Variants in KCNMA1 observed in about 807,000 individuals in gnomAD.
The protein encoded by KCNMA1 is potassium calcium-activated channel subfamily M alpha 1.
A neutral mutation model predicts 140.0 loss-of-function variants in KCNMA1; 29 were observed. That is an observed-to-expected ratio of 0.21 (90% confidence interval 0.15 to 0.28). The LOEUF (loss-of-function observed/expected upper bound fraction) is 0.28. Ranked by LOEUF, KCNMA1 falls within the 10% of genes least tolerant of loss-of-function variation. The probability of loss-of-function intolerance (pLI) is 1.00; values close to 1 mark genes in which losing one functional copy is unlikely to be tolerated. For missense variants in KCNMA1, 880 were observed against 1,602.2 expected, an observed-to-expected ratio of 0.55 and a Z score of 7.70; for synonymous variants, 612 against 611.9, an observed-to-expected ratio of 1.00 and a Z score of 0.00.
At chr10:77,049,753 A>G (rs1218588063) in intron 14 of KCNMA1, among the ~76,000 whole-genome samples, 1 of 152,234 alleles carries the variant, frequency 6.6e-6, no homozygotes, top group Non-Finnish European at 1.5e-5. Flanking sequence ...GGGGCATGAA[A>G]TAAATCAATT....
chr10:77,506,840 A>AGAGTGTGTGT (rs1251463030), intron 1 of KCNMA1, among the ~76,000 whole-genome samples: 1 of 120,858 alleles, frequency 8.3e-6, no homozygotes, highest in African/African-American at 3.3e-5. Flanking sequence ...AGAGAGAGAG[A>AGAGTGTGTGT]GTGTGTGTGT....
At chr10:77,535,005 T>C (rs114256143) in intron 1 of KCNMA1, among the ~76,000 whole-genome samples, 137 of 152,336 alleles carry the variant, frequency 9.0e-4, no homozygotes, top group African/African-American at 3.2e-3. Flanking sequence ...AACCTATATC[T>C]ACAACCACAC....
intron 2 of KCNMA1, among the ~76,000 whole-genome samples, chr10:77,266,468 G>A (rs1478605422): frequency 2.0e-5 from 3 of 152,140 alleles, no homozygotes; most frequent in African/African-American, 4.8e-5. Flanking sequence ...AAGAATGCTG[G>A]CCAGCTTGGC....
intron 1 of KCNMA1, among the ~76,000 whole-genome samples, chr10:77,508,007 G>T (rs1467242225): frequency 6.6e-6 from 1 of 152,156 alleles, no homozygotes; most frequent in Non-Finnish European, 1.5e-5. Context: ...AAACTGCAGT[G>T]TATCTACTTG....
At chr10:77,381,528 T>C (rs2095384927) in intron 2 of KCNMA1, among the ~76,000 whole-genome samples, 1 of 152,140 alleles carries the variant, frequency 6.6e-6, no homozygotes, top group African/African-American at 2.4e-5. Flanking sequence ...AAGGTATCTC[T>C]ATGGTAGCTT....
At chr10:77,390,823 C>T (rs2095795092) in intron 2 of KCNMA1, among the ~76,000 whole-genome samples, 1 of 152,112 alleles carries the variant, frequency 6.6e-6, no homozygotes, top group South Asian at 2.1e-4. Flanking sequence ...CAGCCTCTGT[C>T]CCCTGAAATG....
At chr10:77,290,903 T>C (rs1313591248) in intron 2 of KCNMA1, among the ~76,000 whole-genome samples, 1 of 152,146 alleles carries the variant, frequency 6.6e-6, no homozygotes, top group African/African-American at 2.4e-5. Flanking sequence ...TTCTCATCAG[T>C]GTCTCATGAG....
intron 2 of KCNMA1, among the ~76,000 whole-genome samples, chr10:77,386,626 A>C (rs1165266522): frequency 6.6e-6 from 1 of 152,204 alleles, no homozygotes; most frequent in African/African-American, 2.4e-5. Flanking sequence ...GCTTTGACAA[A>C]AGCTGGAGTT....
At chr10:77,460,139 T>C (rs913881257) in intron 1 of KCNMA1, among the ~76,000 whole-genome samples, 7 of 152,216 alleles carry the variant, frequency 4.6e-5, no homozygotes, top group Non-Finnish European at 1.0e-4. Context: ...AGATTTGCCC[T>C]GCAGGCCATA....
intron 14 of KCNMA1, among the ~76,000 whole-genome samples, chr10:77,059,006 A>G (rs2095643708): frequency 6.6e-6 from 1 of 151,962 alleles, no homozygotes; most frequent in Non-Finnish European, 1.5e-5. Flanking sequence ...CAAATAACAA[A>G]ATCAAGAATG....
Position 76,889,454 on chromosome 10 carries a change from T to C in KCNMA1, c.3458A>G (p.Lys1153Arg). ...AHLSTPSQCT[K>R]RYVITNPPYE... is the part of the protein sequence containing the mutation. Reference sequence around the variant, plus strand: ...CAGAGTTGAAACCAATACTCACCTCTTTGTGCACTGACTGGGGGTGCTGAG... The same window carrying C: ...CAGAGTTGAAACCAATACTCACCTCCTTGTGCACTGACTGGGGGTGCTGAG... Residue 1153 changes from lysine (K) to arginine (R), a missense_variant, in exon 27 of 28, where the codon AAG (lysine) becomes AGG (arginine). Coordinates refer to ENST00000286628, the MANE Select transcript of KCNMA1 (RefSeq NM_001161352.2). 6.2e-7 allele frequency: 1 copy of C among 1,603,178 alleles called. No individual in the cohort carries two copies. The highest frequency in any genetic ancestry group is 8.5e-7 in the Non-Finnish European group (1 of 1,170,006).
chr10:77,345,925 C>A (rs2092034211), intron 2 of KCNMA1, among the ~76,000 whole-genome samples: 1 of 152,214 alleles, frequency 6.6e-6, no homozygotes, highest in South Asian at 2.1e-4. Context: ...ACTTTTGCGA[C>A]TGCCAGATAA....
intron 25 of KCNMA1, among the ~76,000 whole-genome samples, chr10:76,901,135 G>C (rs1345936119): frequency 6.6e-6 from 1 of 151,886 alleles, no homozygotes; most frequent in Non-Finnish European, 1.5e-5. Flanking sequence ...AAATACTCTG[G>C]ATAAAATATT....
At chr10:76,890,884 G>A (rs958952533) in intron 26 of KCNMA1, among the ~76,000 whole-genome samples, 1 of 152,172 alleles carries the variant, frequency 6.6e-6, no homozygotes, top group Non-Finnish European at 1.5e-5. Flanking sequence ...CAAGGTCTAG[G>A]TTTTGATTTA....
At chr10:77,297,291 T>C (rs1026946514) in intron 2 of KCNMA1, among the ~76,000 whole-genome samples, 3 of 152,202 alleles carry the variant, frequency 2.0e-5, no homozygotes, top group Non-Finnish European at 4.4e-5. Context: ...GCCCAATCAA[T>C]TGGCTCCACC....
chr10:76,941,181 AAGGGAGGG>A (rs113837673), intron 23 of KCNMA1, among the ~76,000 whole-genome samples: 3,068 of 106,480 alleles, frequency 0.029, 126 homozygotes, highest in African/African-American at 0.087. Flanking sequence ...GGAAGGAAGG[AAGGGAGGG>A]AGGGAGGGAA....
At chr10:77,045,251 G>A (rs1364461418) in intron 14 of KCNMA1, among the ~76,000 whole-genome samples, 2 of 152,326 alleles carry the variant, frequency 1.3e-5, no homozygotes, top group East Asian at 3.9e-4. Flanking sequence ...ATGACTTAGG[G>A]AAAGGTGCCA....
intron 18 of KCNMA1, among the ~76,000 whole-genome samples, chr10:77,006,619 G>T (rs1300731482): frequency 6.6e-6 from 1 of 152,208 alleles, no homozygotes; most frequent in Non-Finnish European, 1.5e-5. Context: ...TCCAAAAACA[G>T]AGGAGAAAGA....
chr10:77,120,637 T>C (rs2097574061), intron 6 of KCNMA1, among the ~76,000 whole-genome samples: 1 of 152,194 alleles, frequency 6.6e-6, no homozygotes, highest in Admixed American at 6.5e-5. Flanking sequence ...TGAGCAAATC[T>C]ATCCCTCATT....
Sources: allele counts gnomAD v4.1 joint callset (sites outside exome capture counted in the v4.1 genomes callset), GRCh38; gene constraint gnomAD v4.1.1; transcripts MANE v1.5; gene names NCBI Gene and HGNC (gene_info 2026-07-23, HGNC 2026-07-21).